RNF144B: variants seen among roughly 807,000 people sequenced by gnomAD.
RNF144B encodes the protein E3 ubiquitin-protein ligase RNF144B.
In RNF144B, 25 loss-of-function variants were observed where a neutral mutation model predicts 40.2. The observed-to-expected ratio is 0.62, with a 90% CI of 0.45 to 0.87. The LOEUF is 0.87. RNF144B is among the 40% of genes least tolerant of loss of function. RNF144B has a pLI of 0.00. For synonymous variants in RNF144B, 145 were observed against 136.3 expected, an observed-to-expected ratio of 1.06 and a Z score of -0.44; for missense variants, 365 against 373.7, an observed-to-expected ratio of 0.98 and a Z score of 0.19.
chr6:18,453,696 C>A (rs1303665757), intron 4 of RNF144B, among the ~76,000 whole-genome samples: 7 of 152,166 alleles, frequency 4.6e-5, no homozygotes, highest in African/African-American at 1.7e-4. Context: ...TTTCTACTTA[C>A]ATACACATTT....
At position 18,409,469 on chromosome 6, in the gene RNF144B, T is replaced by G. The variant is rs1402921425; in HGVS notation, c.165+9770T>G. 2.0e-5 allele frequency among the ~76,000 whole-genome samples: 3 copies of G among 151,132 alleles called. No homozygotes were observed. In the East Asian group the frequency reaches 5.9e-4, roughly 29 times the overall value. ...CATACTTTAACATATCTTACCTTCT[T>G]GCCATAGGTATATTAAGAAATAGTA... On this transcript the variant is annotated intron_variant, in intron 2 of 7. Coordinates refer to ENST00000259939, the MANE Select transcript of RNF144B (RefSeq NM_182757.4).
Position 18,466,320 on chromosome 6 carries a change from C to T in RNF144B, c.*1253C>T, listed in dbSNP as rs1350339248. 2 of 152,210 alleles carry T rather than the reference C, an allele frequency of 1.3e-5. No individual in the cohort carries two copies. The highest frequency in any genetic ancestry group is 2.9e-5 in the Non-Finnish European group (2 of 68,044). The allele number at this position is 152,210 out of a possible 1,614,324, so 9.4% of individuals were successfully genotyped here. ...TTACATGTTTTCGAACACAGAATAG[C>T]TCTTTTCTCAGCATCATTATTGCTC... On this transcript the variant is annotated 3_prime_UTR_variant, in exon 8 of 8. Transcript: ENST00000259939.
chr6:18,427,617 G>C lies in RNF144B; in HGVS notation c.202G>C (p.Gly68Arg), dbSNP rs567781133. The C allele has an allele frequency of 5.6e-5, 91 of 1,613,742 alleles. No homozygotes were observed. The East Asian group carries it at 1.9e-3, about 33-fold the overall frequency. Residue 68 changes from glycine (G) to arginine (R), a missense_variant, in exon 3 of 8, where the codon GGA (glycine) becomes CGA (arginine). By Grantham distance (125) the Gly-to-Arg change is moderately radical (BLOSUM62 -2). Transcript: ENST00000259939. ...GTACATGCAGCTGGCAATCCGAGAA[G>C]GATGTGGGTCTCCCATCACTTGCCC... ...KQYMQLAIRE[G>R]CGSPITCPDM...
At chr6:18,421,550 G>A (rs1758427057) in intron 2 of RNF144B, among the ~76,000 whole-genome samples, 1 of 152,126 alleles carries the variant, frequency 6.6e-6, no homozygotes, top group Middle Eastern at 3.4e-3. Context: ...TCATTTGCCT[G>A]TGACAATGAT....
Position 18,425,587 on chromosome 6 carries a change from T to C in RNF144B, c.166-1994T>C, listed in dbSNP as rs1758532278. 6.6e-6 allele frequency among the ~76,000 whole-genome samples: 1 copy of C among 152,160 alleles called. No individual in the cohort carries two copies. The highest frequency in any genetic ancestry group is 2.1e-4 in the South Asian group (1 of 4,838). ...ATACCATGTTTGGCACAGTAAATCC[T>C]AGAGCAAGTGATTTTTCACCCTTCT... is the stretch of plus-strand genomic sequence containing the variant. On this transcript the variant is annotated intron_variant, in intron 2 of 7. Transcript: ENST00000259939. This position sits in a 1 kb window ranked among gnomAD's most constrained non-coding sequence, Gnocchi z 4.2.
rs948388761 is a variant in RNF144B, at chr6:18,466,580, A to G, written c.*1513A>G. 4 of 152,664 alleles carry G rather than the reference A, an allele frequency of 2.6e-5. No individual in the cohort carries two copies. Among genetic ancestry groups the G allele is most frequent in the East Asian group, 1.9e-4 (1 of 5,194 alleles). The allele number at this position is 152,664 out of a possible 1,614,324, so 9.5% of individuals were successfully genotyped here. ...CAGGATTATATAATTGCTATTGGCA[A>G]TGTAGCCTGGTGCTTCATGAGACCT... On this transcript the variant is annotated 3_prime_UTR_variant, in exon 8 of 8. Coordinates refer to ENST00000259939, the MANE Select transcript of RNF144B (RefSeq NM_182757.4).
rs1450710609 is a variant in RNF144B, at chr6:18,406,761, G to T, written c.165+7062G>T. ...GATGATGCCTGCTCGCAATGGGGAG[G>T]GTAAACTGCTTTACTCAGTTTACCG... On this transcript the variant is annotated intron_variant, in intron 2 of 7. Transcript: ENST00000259939. The surrounding 1 kb of genome is among the most constrained non-coding windows in gnomAD (Gnocchi z 4.2). Among the ~76,000 whole-genome samples the T allele has an allele frequency of 6.6e-6, 1 of 151,794 alleles. No individual in the cohort carries two copies. Among genetic ancestry groups the T allele is most frequent in the Non-Finnish European group, 1.5e-5 (1 of 67,966 alleles).
At chr6:18,393,695 A>C (rs1794633352) in intron 1 of RNF144B, among the ~76,000 whole-genome samples, 1 of 152,114 alleles carries the variant, frequency 6.6e-6, no homozygotes, top group Non-Finnish European at 1.5e-5. Flanking sequence ...GGACCTTTAG[A>C]TTGCTGCTCT....
At position 18,399,502 on chromosome 6, in the gene RNF144B, T is replaced by C. The variant is rs368724312; in HGVS notation, c.-33T>C. ...TCTGCTTTGGACCTTTCTATAGGGA[T>C]TGAGGAGACTGAAGAATGCTGAAGA... is the stretch of plus-strand genomic sequence containing the variant. On this transcript the variant is annotated 5_prime_UTR_variant, in exon 2 of 8. Coordinates refer to ENST00000259939, the MANE Select transcript of RNF144B (RefSeq NM_182757.4). The C allele has an allele frequency of 4.6e-5, 74 of 1,610,644 alleles. No individual in the cohort carries two copies. In the African/African-American group the frequency reaches 9.5e-4, roughly 21 times the overall value.
chr6:18,394,488 C>G (rs768629592), intron 1 of RNF144B, among the ~76,000 whole-genome samples: 2 of 151,944 alleles, frequency 1.3e-5, no homozygotes, highest in Non-Finnish European at 2.9e-5. Flanking sequence ...ATCCCATCTA[C>G]TTGGAACGCT....
intron 4 of RNF144B, among the ~76,000 whole-genome samples, chr6:18,445,709 G>C (rs1192083406): frequency 6.6e-6 from 1 of 152,100 alleles, no homozygotes; most frequent in Non-Finnish European, 1.5e-5. Context: ...TCTTTTACTA[G>C]ATTTCTGAAC....
At chr6:18,463,820 G>A (rs1759520058) in intron 7 of RNF144B, among the ~76,000 whole-genome samples, 1 of 152,204 alleles carries the variant, frequency 6.6e-6, no homozygotes, top group African/African-American at 2.4e-5. Context: ...CATGGCTGGG[G>A]AGGCCTCACA....
rs1443011075 is a variant in RNF144B, at chr6:18,418,292, C to T, written c.166-9289C>T. On this transcript the variant is annotated intron_variant, in intron 2 of 7. Coordinates refer to ENST00000259939, the MANE Select transcript of RNF144B (RefSeq NM_182757.4). This position sits in a 1 kb window ranked among gnomAD's most constrained non-coding sequence, Gnocchi z 5.2. ...AAAACTTGCTCATAGCAGCATAATT[C>T]ATAATACCACTCAACTGGAAACAAC... 6.6e-5 allele frequency among the ~76,000 whole-genome samples: 10 copies of T among 152,146 alleles called. No individual in the cohort carries two copies. Among genetic ancestry groups the T allele is most frequent in the Non-Finnish European group, 1.5e-4 (10 of 68,014 alleles).
Position 18,468,162 on chromosome 6 carries a change from T to C in RNF144B, c.*3095T>C, listed in dbSNP as rs1256841704. Reference sequence around the variant, plus strand: ...TGTTTGGAGTGTAGTCCATTTGCAATAGAAATAAAAAAATCCGTCACCAAA... The same window carrying C: ...TGTTTGGAGTGTAGTCCATTTGCAACAGAAATAAAAAAATCCGTCACCAAA... On this transcript the variant is annotated 3_prime_UTR_variant, in exon 8 of 8. Coordinates refer to ENST00000259939, the MANE Select transcript of RNF144B (RefSeq NM_182757.4). The C allele has an allele frequency of 6.6e-6, 1 of 152,166 alleles. No homozygotes were observed. The highest frequency in any genetic ancestry group is 6.5e-5 in the Admixed American group (1 of 15,282). The allele number at this position is 152,166 out of a possible 1,614,324, so 9.4% of individuals were successfully genotyped here.
chr6:18,433,224 T>A lies in RNF144B; in HGVS notation c.270+5539T>A, dbSNP rs150784530. Among the ~76,000 whole-genome samples the A allele has an allele frequency of 5.2e-3, 791 of 152,320 alleles. 3 individuals are homozygous for A. Among genetic ancestry groups the A allele is most frequent in the South Asian group, 0.028 (137 of 4,822 alleles). ...CCCAGGCAAGAGGCCATATTCCTGT[T>A]ACTGTGGTGTAAGGATCTGAATGGG... is the stretch of plus-strand genomic sequence containing the variant. On this transcript the variant is annotated intron_variant, in intron 3 of 7. Coordinates refer to ENST00000259939, the MANE Select transcript of RNF144B (RefSeq NM_182757.4).
chr6:18,464,547 T>C lies in RNF144B; in HGVS notation c.772-380T>C, dbSNP rs1759534081. ...GGCTTAAAGAACAGAAATTTACTTC[T>C]CATAGTTCTGGAGGCTGAGAAGTCT... On this transcript the variant is annotated intron_variant, in intron 7 of 7. Coordinates refer to ENST00000259939, the MANE Select transcript of RNF144B (RefSeq NM_182757.4). This position sits in a 1 kb window ranked among gnomAD's most constrained non-coding sequence, Gnocchi z 6.1. Among the ~76,000 whole-genome samples, 1 of 152,218 alleles carries C rather than the reference T, an allele frequency of 6.6e-6. No individual in the cohort carries two copies. The highest frequency in any genetic ancestry group is 2.1e-4 in the South Asian group (1 of 4,826).
Position 18,414,237 on chromosome 6 carries a change from C to T in RNF144B, c.166-13344C>T, listed in dbSNP as rs764323307. Among the ~76,000 whole-genome samples the T allele has an allele frequency of 2.0e-4, 30 of 152,156 alleles. No homozygotes were observed. Among genetic ancestry groups the T allele is most frequent in the South Asian group, 4.1e-4 (2 of 4,830 alleles). ...CATTGTCCAACCTTTTCTACTTTTT[C>T]AGAGTTCAGTTCTCTTAAATCTAAG... On this transcript the variant is annotated intron_variant, in intron 2 of 7. Transcript: ENST00000259939. The surrounding 1 kb of genome is among the most constrained non-coding windows in gnomAD (Gnocchi z 4.9).
Position 18,468,126 on chromosome 6 carries a change from G to C in RNF144B, c.*3059G>C, listed in dbSNP as rs1278560265. 6.6e-6 allele frequency: 1 copy of C among 152,122 alleles called. No individual in the cohort carries two copies. Among genetic ancestry groups the C allele is most frequent in the African/African-American group, 2.4e-5 (1 of 41,390 alleles). 9.4% of individuals were successfully genotyped at this position (152,122 alleles called of 1,614,324 possible). A position where few individuals can be genotyped will look rare whatever the true frequency, so the allele number is the denominator to read the frequency against. On this transcript the variant is annotated 3_prime_UTR_variant, in exon 8 of 8. Coordinates refer to ENST00000259939, the MANE Select transcript of RNF144B (RefSeq NM_182757.4). Reference sequence around the variant, plus strand: ...TAGGGATGTTTGGATGCTATGGCAAGAATCTTTTTGTGTTTGGAGTGTAGT... The same window carrying C: ...TAGGGATGTTTGGATGCTATGGCAACAATCTTTTTGTGTTTGGAGTGTAGT...
chr6:18,414,744 T>C lies in RNF144B; in HGVS notation c.166-12837T>C, dbSNP rs1294848347. On this transcript the variant is annotated intron_variant, in intron 2 of 7. Transcript: ENST00000259939. This position sits in a 1 kb window ranked among gnomAD's most constrained non-coding sequence, Gnocchi z 4.9. ...TTAAAATCTGAGATTTGATGAATGGTATAAATTTTATCTTTTGCTTTTAGT... is the reference window on the plus strand; with the variant it reads ...TTAAAATCTGAGATTTGATGAATGGCATAAATTTTATCTTTTGCTTTTAGT... Among the ~76,000 whole-genome samples the C allele has an allele frequency of 6.6e-6, 1 of 152,216 alleles. No individual in the cohort carries two copies. The highest frequency in any genetic ancestry group is 1.9e-4 in the East Asian group (1 of 5,200).
Sources: allele counts gnomAD v4.1 joint callset (sites outside exome capture counted in the v4.1 genomes callset), GRCh38; gene constraint gnomAD v4.1.1; non-coding constraint Gnocchi (gnomAD v3.1); transcripts MANE v1.5; gene names NCBI Gene and HGNC (gene_info 2026-07-23, HGNC 2026-07-21).